Variants in MIR2052HG observed in about 807,000 individuals in gnomAD.
MIR2052HG encodes the protein MIR2052 host gene.
intron 4 of MIR2052HG, among the ~76,000 whole-genome samples, chr8:74,752,207 G>T (rs1457679369): frequency 6.6e-6 from 1 of 151,082 alleles, no homozygotes; most frequent in African/African-American, 2.4e-5. Flanking sequence ...TCCTCAGCCT[G>T]GGAGGTCGAG....
intron 4 of MIR2052HG, among the ~76,000 whole-genome samples, chr8:74,728,445 G>T (rs1273800528): frequency 6.6e-6 from 1 of 152,150 alleles, no homozygotes; most frequent in Non-Finnish European, 1.5e-5. Flanking sequence ...ACTCATTCAA[G>T]AACTAGTCAT....
chr8:74,603,169 G>C, intron 1 of MIR2052HG: 2 of 786,902 alleles, frequency 2.5e-6, no homozygotes, highest in South Asian at 3.0e-5. Context: ...AAAGTGTGTA[G>C]AAACTGAAAA....
chr8:74,605,835 A>G (rs1808102537), intron 1 of MIR2052HG, among the ~76,000 whole-genome samples: 1 of 152,258 alleles, frequency 6.6e-6, no homozygotes, highest in South Asian at 2.1e-4. Context: ...TCTCTTTAAA[A>G]GACAATCAAC....
intron 2 of MIR2052HG, among the ~76,000 whole-genome samples, chr8:74,663,716 C>G (rs1450379391): frequency 2.0e-5 from 3 of 152,140 alleles, no homozygotes; most frequent in African/African-American, 7.2e-5. Flanking sequence ...TTGATCTTAT[C>G]TAATGTATTC....
At chr8:74,741,422 T>A (rs1809827286) in intron 4 of MIR2052HG, among the ~76,000 whole-genome samples, 1 of 152,226 alleles carries the variant, frequency 6.6e-6, no homozygotes, top group Non-Finnish European at 1.5e-5. Flanking sequence ...TGACCTTTTC[T>A]AACCCTGGGA....
chr8:74,622,579 A>G (rs928441056), intron 2 of MIR2052HG, among the ~76,000 whole-genome samples: 2 of 152,116 alleles, frequency 1.3e-5, no homozygotes, highest in Non-Finnish European at 1.5e-5. Context: ...ACTCCAGCCT[A>G]GGCCACAGAG....
intron 1 of MIR2052HG, among the ~76,000 whole-genome samples, chr8:74,605,667 A>G (rs1207121265): frequency 2.0e-5 from 3 of 152,156 alleles, no homozygotes; most frequent in Non-Finnish European, 2.9e-5. Flanking sequence ...CTTTGTAAAT[A>G]ATCAAGTTAT....
At chr8:74,627,208 G>C (rs1242787539) in intron 2 of MIR2052HG, among the ~76,000 whole-genome samples, 1 of 152,156 alleles carries the variant, frequency 6.6e-6, no homozygotes, top group Non-Finnish European at 1.5e-5. Context: ...ACACATTACA[G>C]TTTATAATCA....
intron 5 of MIR2052HG, among the ~76,000 whole-genome samples, chr8:74,753,837 C>T (rs1031628168): frequency 6.6e-5 from 10 of 152,188 alleles, no homozygotes; most frequent in South Asian, 6.2e-4. Flanking sequence ...AAAAACTATG[C>T]TCTTCTCTTA....
intron 2 of MIR2052HG, among the ~76,000 whole-genome samples, chr8:74,617,007 A>G (rs1808291724): frequency 1.3e-5 from 2 of 152,192 alleles, no homozygotes; most frequent in African/African-American, 4.8e-5. Flanking sequence ...ACATTCCATG[A>G]ACATCCTTTG....
intron 2 of MIR2052HG, among the ~76,000 whole-genome samples, chr8:74,668,195 T>C (rs1029462994): frequency 7.0e-6 from 1 of 142,952 alleles, no homozygotes; most frequent in Non-Finnish European, 1.5e-5. Context: ...CCAGAGTGCA[T>C]TTTTTTCCCT....
chr8:74,748,728 T>C (rs1318822125), intron 4 of MIR2052HG, among the ~76,000 whole-genome samples: 3 of 152,196 alleles, frequency 2.0e-5, no homozygotes, highest in African/African-American at 7.2e-5. Context: ...CTCTATTGTT[T>C]GGCTACTCCC....
chr8:74,694,438 C>T (rs1233749834), intron 2 of MIR2052HG, among the ~76,000 whole-genome samples: 8 of 152,118 alleles, frequency 5.3e-5, no homozygotes, highest in Admixed American at 2.6e-4. Flanking sequence ...TCTGGTAATA[C>T]GACGAAACTA....
rs1808905975 is a variant in MIR2052HG, at chr8:74,664,919, T to C, written n.217-37460T>C. Among the ~76,000 whole-genome samples the C allele has an allele frequency of 1.3e-5, 2 of 152,216 alleles. 1 individual carries two copies. Among genetic ancestry groups the C allele is most frequent in the Non-Finnish European group, 2.9e-5 (2 of 68,038 alleles). ...ACAAGTCTTTGCTGAAGATCTCTGG[T>C]AGATATCCTGTTACCAGCATCATAG... On this transcript the variant is annotated intron_variant and non_coding_transcript_variant, in intron 2 of 6. Transcript: ENST00000523442.
chr8:74,615,840 C>T (rs1441244448), intron 2 of MIR2052HG, among the ~76,000 whole-genome samples: 5 of 152,080 alleles, frequency 3.3e-5, no homozygotes, highest in South Asian at 2.1e-4. Context: ...CGATTCTCAC[C>T]TATGAGTGAG....
chr8:74,600,437 G>A (rs1352546337), intron 1 of MIR2052HG, among the ~76,000 whole-genome samples: 1 of 151,446 alleles, frequency 6.6e-6, no homozygotes, highest in Non-Finnish European at 1.5e-5. Context: ...TACAAAATTA[G>A]CCGGGCGTGG....
chr8:74,606,950 G>A (rs371050967), intron 1 of MIR2052HG, among the ~76,000 whole-genome samples: 14 of 151,442 alleles, frequency 9.2e-5, no homozygotes, highest in African/African-American at 3.1e-4. Flanking sequence ...AATCCTAAAG[G>A]CAAAAAAGGA....
intron 4 of MIR2052HG, among the ~76,000 whole-genome samples, chr8:74,704,060 G>A (rs941208904): frequency 5.9e-5 from 9 of 151,920 alleles, no homozygotes; most frequent in Non-Finnish European, 8.8e-5. Context: ...GGTAAGAATA[G>A]GAGGAAGGGA....
At chr8:74,686,155 C>A (rs1586913768) in intron 2 of MIR2052HG, among the ~76,000 whole-genome samples, 1 of 151,054 alleles carries the variant, frequency 6.6e-6, no homozygotes, top group Admixed American at 6.6e-5. Context: ...GAACTTTTTC[C>A]TGGTTCTGTT....
Sources: allele counts gnomAD v4.1 joint callset (sites outside exome capture counted in the v4.1 genomes callset), GRCh38; gene constraint gnomAD v4.1.1; transcripts MANE v1.5; gene names NCBI Gene and HGNC (gene_info 2026-07-23, HGNC 2026-07-21).